Variants in DNAJC11 observed in about 807,000 individuals in gnomAD.
DNAJC11 encodes the protein dnaJ homolog subfamily C member 11.
Under a neutral mutation model 78.6 loss-of-function variants are expected in DNAJC11, and 15 were observed. The observed-to-expected ratio is 0.19, with a 90% CI of 0.13 to 0.29. The LOEUF is 0.29. Among genes scored for constraint, DNAJC11 ranks in the 10% least tolerant of loss-of-function variants. The probability of loss-of-function intolerance (pLI) is 1.00; values close to 1 mark genes in which losing one functional copy is unlikely to be tolerated. For synonymous variants in DNAJC11, 292 were observed against 272.1 expected (o/e 1.07, Z -0.72); for missense variants, 547 against 709.6 (o/e 0.77, Z 2.60).
chr1:6,634,952 G>A lies in DNAJC11; in HGVS notation c.*723C>T, dbSNP rs908434531. On this transcript the variant is annotated 3_prime_UTR_variant, in exon 16 of 16. Transcript: ENST00000377577. ...GGACACAGGCCAGCTCAAGCCCGCT[G>A]GTGGCAGGGCGTTTTCCCACCGGGA... 1.6e-5 allele frequency: 17 copies of A among 1,046,720 alleles called. No individual in the cohort carries two copies. The highest frequency in any genetic ancestry group is 2.0e-5 in the Non-Finnish European group (16 of 818,502). The allele number at this position is 1,046,720 out of a possible 1,614,324, so 64.8% of individuals were successfully genotyped here.
In DNAJC11 at chr1:6,634,668, C is replaced by T. The variant is rs1226112794; in HGVS notation, c.*1007G>A. On this transcript the variant is annotated 3_prime_UTR_variant, in exon 16 of 16. Transcript: ENST00000377577. ...CGTGGAGGGGGTCCTAGCTCCGCTG[C>T]ATTCTGCATCCCAAGTGGGCACGTG... The T allele has an allele frequency of 1.5e-6, 2 of 1,366,284 alleles. No homozygotes were observed. The highest frequency in any genetic ancestry group is 3.0e-5 in the African/African-American group (2 of 67,758). 84.6% of individuals were successfully genotyped at this position (1,366,284 alleles called of 1,614,324 possible). A position where few individuals can be genotyped will look rare whatever the true frequency, so the allele number is the denominator to read the frequency against.
chr1:6,694,286 T>C (rs1317954182), intron 1 of DNAJC11, among the ~76,000 whole-genome samples: 1 of 152,186 alleles, frequency 6.6e-6, no homozygotes, highest in Non-Finnish European at 1.5e-5. Flanking sequence ...GCTAACTACG[T>C]GCTCCAAGAC....
intron 3 of DNAJC11, chr1:6,670,863 A>T (rs1642369427): frequency 1.3e-5 from 2 of 152,188 alleles, no homozygotes; most frequent in Non-Finnish European, 1.5e-5. Context: ...AGCAAGGTAC[A>T]ATTTTTCAAA....
intron 3 of DNAJC11, among the ~76,000 whole-genome samples, chr1:6,669,647 A>G (rs932686268): frequency 6.6e-5 from 10 of 152,250 alleles, no homozygotes; most frequent in African/African-American, 2.2e-4. Context: ...GACATTTCAA[A>G]GAAGTGGAAA....
At chr1:6,643,497 A>G (rs141211443) in intron 10 of DNAJC11, among the ~76,000 whole-genome samples, 3,603 of 151,756 alleles carry the variant, frequency 0.024, 46 homozygotes, top group Non-Finnish European at 0.032. Flanking sequence ...GGATGGTCTC[A>G]ATCTCCTGAC....
chr1:6,691,350 G>A (rs1642742797), intron 1 of DNAJC11, among the ~76,000 whole-genome samples: 1 of 152,092 alleles, frequency 6.6e-6, no homozygotes, highest in Non-Finnish European at 1.5e-5. Flanking sequence ...CATTGCAAGG[G>A]CTCAGGAAAT....
At chr1:6,678,140 C>T (rs1642499159) in intron 3 of DNAJC11, among the ~76,000 whole-genome samples, 1 of 152,290 alleles carries the variant, frequency 6.6e-6, no homozygotes, top group African/African-American at 2.4e-5. Flanking sequence ...TTCGGTCCAT[C>T]CCTCTTCCGT....
At chr1:6,672,505 A>G (rs567113146) in intron 3 of DNAJC11, among the ~76,000 whole-genome samples, 2 of 152,350 alleles carry the variant, frequency 1.3e-5, no homozygotes, top group Non-Finnish European at 2.9e-5. Flanking sequence ...AAATAATCCA[A>G]AGGTGGCAGA....
chr1:6,658,039 A>G (rs1018940792), intron 4 of DNAJC11, among the ~76,000 whole-genome samples: 1 of 152,222 alleles, frequency 6.6e-6, no homozygotes, highest in Non-Finnish European at 1.5e-5. Flanking sequence ...TGATCACAGA[A>G]TCTTCACCAG....
At chr1:6,681,231 A>G (rs1642546938) in intron 1 of DNAJC11, among the ~76,000 whole-genome samples, 194 bp from the exon 2 acceptor site, 1 of 152,194 alleles carries the variant, frequency 6.6e-6, no homozygotes, top group Admixed American at 6.5e-5. Context: ...TCAATTACAT[A>G]CATCAATAGG....
In DNAJC11 at chr1:6,646,496, T is replaced by C. The variant is rs185918124; in HGVS notation, c.705-518A>G. Among the ~76,000 whole-genome samples the C allele has an allele frequency of 5.3e-5, 8 of 152,242 alleles. No individual in the cohort carries two copies. The South Asian group carries it at 1.0e-3, about 20-fold the overall frequency. ...ATGTGCAGTAGAGTTTGAGAATCAC[T>C]TACCTAGAGGACACCCCAGACCTAT... is the stretch of plus-strand genomic sequence containing the variant. On this transcript the variant is annotated intron_variant, in intron 7 of 15. Coordinates refer to ENST00000377577, the MANE Select transcript of DNAJC11 (RefSeq NM_018198.4).
chr1:6,694,677 T>G (rs1268279274), intron 1 of DNAJC11, among the ~76,000 whole-genome samples: 2 of 151,822 alleles, frequency 1.3e-5, no homozygotes, highest in African/African-American at 4.8e-5. Context: ...TAAAAAAAAT[T>G]TTTTTTGGCT....
In DNAJC11 at chr1:6,635,714, G is replaced by C; in HGVS notation, c.1655-14C>G. On this transcript the variant is annotated splice_polypyrimidine_tract_variant and intron_variant, in intron 15 of 15. Coordinates refer to ENST00000377577, the MANE Select transcript of DNAJC11 (RefSeq NM_018198.4). The stretch of plus-strand genomic sequence containing the variant: ...CGATCCTGTGGGCTGTAAAGGAAAA[G>C]ACAGACGCAGGTGATCAGAAGGTGG... 1 of 1,614,114 alleles carries C rather than the reference G, an allele frequency of 6.2e-7. No individual in the cohort carries two copies. The highest frequency in any genetic ancestry group is 8.5e-7 in the Non-Finnish European group (1 of 1,180,000).
At chr1:6,638,273 G>GGAAC (rs1557464013) in intron 12 of DNAJC11, 22 bp downstream of exon 12, 26 of 1,608,518 alleles carry the variant, frequency 1.6e-5, no homozygotes, top group Non-Finnish European at 6.0e-6. Flanking sequence ...CCCTCGCTTG[G>GGAAC]GAACGGTGGG....
In DNAJC11 at chr1:6,695,069, C is replaced by G. The variant is rs370896050; in HGVS notation, c.72+6660G>C. 2.8e-4 allele frequency among the ~76,000 whole-genome samples: 42 copies of G among 151,128 alleles called. No individual in the cohort carries two copies. The East Asian group carries it at 7.4e-3, about 27-fold the overall frequency. On this transcript the variant is annotated intron_variant, in intron 1 of 15. Coordinates refer to ENST00000377577, the MANE Select transcript of DNAJC11 (RefSeq NM_018198.4). The stretch of plus-strand genomic sequence containing the variant: ...GCTGAGGCAGGAGAATGGCGTGAAC[C>G]CAGATGGCAGAGCTTGCAATGAGCC...
At chr1:6,697,595 C>T (rs1642858114) in intron 1 of DNAJC11, among the ~76,000 whole-genome samples, 1 of 152,146 alleles carries the variant, frequency 6.6e-6, no homozygotes, top group African/African-American at 2.4e-5. Context: ...CGACGCTAAC[C>T]GCTTGCTTGC....
At chr1:6,652,691 TG>T in intron 6 of DNAJC11, 137 bp downstream of exon 6, 1 of 1,175,018 alleles carries the variant, frequency 8.5e-7, no homozygotes, top group Non-Finnish European at 1.2e-6. Context: ...AGTCAACTTA[TG>T]GAAGCTTGAC....
At position 6,645,813 on chromosome 1, in the gene DNAJC11, G is replaced by T; in HGVS notation, c.870C>A (p.Thr290=). 6 of 1,614,112 alleles carry T rather than the reference G, an allele frequency of 3.7e-6. No individual in the cohort carries two copies. Among genetic ancestry groups the T allele is most frequent in the Non-Finnish European group, 5.1e-6 (6 of 1,179,954 alleles). ...CCTGCAGGGCCACAGTGAAGTGGCT[G>T]GTTTTAGTGTCTCGGACGATGCTAG... The part of the protein sequence containing the change: ...MNTSIVRDTK[T]SHFTVALQLG... Residue 290 remains threonine (T), a synonymous_variant, in exon 8 of 16, where the codon ACC becomes ACA. Coordinates refer to ENST00000377577, the MANE Select transcript of DNAJC11 (RefSeq NM_018198.4). The surrounding 1 kb of genome is among the most constrained non-coding windows in gnomAD (Gnocchi z 4.1).
intron 4 of DNAJC11, among the ~76,000 whole-genome samples, chr1:6,657,084 T>C (rs1053567039): frequency 2.5e-4 from 38 of 152,096 alleles, no homozygotes; most frequent in African/African-American, 8.9e-4. Context: ...ACTCACACCC[T>C]TGTACAGAGC....
Sources: allele counts gnomAD v4.1 joint callset (sites outside exome capture counted in the v4.1 genomes callset), GRCh38; gene constraint gnomAD v4.1.1; non-coding constraint Gnocchi (gnomAD v3.1); transcripts MANE v1.5; gene names NCBI Gene and HGNC (gene_info 2026-07-23, HGNC 2026-07-21).